Variants in SPAG16 observed in about 807,000 individuals in gnomAD.
SPAG16 encodes the protein sperm associated antigen 16, also known as sperm-associated antigen 16 protein.
A neutral mutation model predicts 80.4 loss-of-function variants in SPAG16; 86 were observed. The observed-to-expected ratio is 1.07, with a 90% CI of 0.90 to 1.28. The LOEUF (loss-of-function observed/expected upper bound fraction) is 1.28, where lower values mean the gene tolerates loss of function less well. Ranked by LOEUF, SPAG16 falls within the 50% of genes most tolerant of loss-of-function variation. The pLI, the probability that SPAG16 is intolerant of heterozygous loss-of-function variation, is 0.00. For synonymous variants in SPAG16, 294 were observed against 265.9 expected (o/e 1.11, Z -1.03); for missense variants, 870 against 765.3 (o/e 1.14, Z -1.61).
intron 10 of SPAG16, among the ~76,000 whole-genome samples, chr2:213,711,210 T>C (rs570813690): frequency 3.7e-4 from 56 of 152,150 alleles, no homozygotes; most frequent in Non-Finnish European, 5.7e-4. Flanking sequence ...TTTATGTACT[T>C]TCCTCTCAGT....
intron 10 of SPAG16, among the ~76,000 whole-genome samples, chr2:213,535,286 T>A (rs2076203832): frequency 6.6e-6 from 1 of 152,060 alleles, no homozygotes. Context: ...ATAACAATGA[T>A]GATAGAATTA....
At chr2:214,279,789 G>T (rs1692771486) in intron 15 of SPAG16, among the ~76,000 whole-genome samples, 1 of 152,128 alleles carries the variant, frequency 6.6e-6, no homozygotes, top group Non-Finnish European at 1.5e-5. Context: ...AAGTCTTAGT[G>T]AATTTTAAAA....
intron 10 of SPAG16, among the ~76,000 whole-genome samples, chr2:213,769,614 A>T (rs2069130724): frequency 6.6e-6 from 1 of 152,122 alleles, no homozygotes; most frequent in Admixed American, 6.6e-5. Flanking sequence ...AATTCTCTTG[A>T]TTCCTGCTGA....
At chr2:214,104,194 A>C (rs1311345009) in intron 13 of SPAG16, among the ~76,000 whole-genome samples, 2 of 152,142 alleles carry the variant, frequency 1.3e-5, no homozygotes, top group African/African-American at 4.8e-5. Context: ...ACCATGAAGA[A>C]ATATGAAAAT....
chr2:213,634,936 T>TAATATATATATATATATA (rs1340907579), intron 10 of SPAG16, among the ~76,000 whole-genome samples: 1 of 151,560 alleles, frequency 6.6e-6, no homozygotes, highest in Admixed American at 6.6e-5. Flanking sequence ...ATTATTTCAC[T>TAATATATATATATATATA]CATATATATA....
intron 15 of SPAG16, among the ~76,000 whole-genome samples, chr2:214,359,809 A>G (rs546374470): frequency 6.6e-6 from 1 of 151,918 alleles, no homozygotes; most frequent in Non-Finnish European, 1.5e-5. Context: ...TTTTTGAGAT[A>G]AATTATTAAA....
chr2:213,673,645 T>C (rs2063911238), intron 10 of SPAG16, among the ~76,000 whole-genome samples: 1 of 152,216 alleles, frequency 6.6e-6, no homozygotes, highest in Non-Finnish European at 1.5e-5. Flanking sequence ...ACACACATTT[T>C]ATATTTGTAC....
chr2:213,358,842 T>C (rs1181922887), intron 7 of SPAG16, among the ~76,000 whole-genome samples: 2 of 152,224 alleles, frequency 1.3e-5, no homozygotes, highest in African/African-American at 4.8e-5. Context: ...AGAGGCACTC[T>C]GGTTTTTAGA....
chr2:213,920,756 C>G (rs1292358445), intron 11 of SPAG16, among the ~76,000 whole-genome samples: 1 of 152,208 alleles, frequency 6.6e-6, no homozygotes, highest in African/African-American at 2.4e-5. Flanking sequence ...GAGAGTTTCC[C>G]TAGGGATAAT....
At chr2:213,805,543 G>A (rs758117051) in intron 10 of SPAG16, among the ~76,000 whole-genome samples, 1 of 152,184 alleles carries the variant, frequency 6.6e-6, no homozygotes, top group East Asian at 1.9e-4. Flanking sequence ...AGTTATCTGA[G>A]GAGGGGTGTT....
intron 1 of SPAG16, among the ~76,000 whole-genome samples, chr2:213,295,823 CAGAT>C (rs1487544421): frequency 6.6e-6 from 1 of 151,978 alleles, no homozygotes; most frequent in Non-Finnish European, 1.5e-5. Flanking sequence ...AGTCAAAAGA[CAGAT>C]AGCAATGTAG....
At chr2:213,366,480 T>C (rs1169920073) in intron 8 of SPAG16, among the ~76,000 whole-genome samples, 1 of 151,986 alleles carries the variant, frequency 6.6e-6, no homozygotes, top group African/African-American at 2.4e-5. Context: ...CTCACAATAA[T>C]GGTGGAAGGC....
intron 13 of SPAG16, among the ~76,000 whole-genome samples, chr2:214,098,308 T>C (rs2052746013): frequency 1.3e-5 from 2 of 152,080 alleles, no homozygotes; most frequent in African/African-American, 2.4e-5. Flanking sequence ...AGGGGTTGAA[T>C]TGTGTCCCCT....
rs549432349 is a variant in SPAG16 at position 213,625,967 on chromosome 2, G to A, written c.1070+135877G>A. On this transcript the variant is annotated intron_variant, in intron 10 of 15. Coordinates refer to ENST00000331683, the MANE Select transcript of SPAG16 (RefSeq NM_024532.5). The stretch of plus-strand genomic sequence containing the variant: ...GGTCTCCCAAAGTGCTGAGATTACA[G>A]GCATGAGCCACCACACCCGGCCTCT... Among the ~76,000 whole-genome samples the A allele has an allele frequency of 1.8e-3, 269 of 152,168 alleles. 1 individual carries two copies. The highest frequency in any genetic ancestry group is 6.1e-3 in the African/African-American group (255 of 41,506).
chr2:214,127,817 T>C (rs2054569541), intron 14 of SPAG16, among the ~76,000 whole-genome samples: 1 of 151,876 alleles, frequency 6.6e-6, no homozygotes, highest in African/African-American at 2.4e-5. Context: ...GAATGACTAA[T>C]CATGTTTTCA....
chr2:214,151,677 A>G (rs2055979772), intron 15 of SPAG16, among the ~76,000 whole-genome samples: 1 of 152,004 alleles, frequency 6.6e-6, no homozygotes, highest in Non-Finnish European at 1.5e-5. Context: ...ATGTCTAACC[A>G]TTTTTTCTAG....
chr2:213,434,002 C>A (rs960894717), intron 9 of SPAG16, among the ~76,000 whole-genome samples: 2 of 149,774 alleles, frequency 1.3e-5, no homozygotes, highest in Non-Finnish European at 3.0e-5. Context: ...CTCACTGCAA[C>A]CTCTGCTTCC....
At chr2:213,912,890 C>T (rs2077741113) in intron 11 of SPAG16, among the ~76,000 whole-genome samples, 1 of 152,036 alleles carries the variant, frequency 6.6e-6, no homozygotes, top group Non-Finnish European at 1.5e-5. Context: ...CATTTGTTCA[C>T]AATAGACTTC....
intron 12 of SPAG16, among the ~76,000 whole-genome samples, chr2:214,002,511 A>G (rs986355953): frequency 2.0e-5 from 3 of 152,226 alleles, no homozygotes; most frequent in Non-Finnish European, 4.4e-5. Context: ...CCAGTGAAAC[A>G]GAACCAATAG....
Sources: allele counts gnomAD v4.1 joint callset (sites outside exome capture counted in the v4.1 genomes callset), GRCh38; gene constraint gnomAD v4.1.1; transcripts MANE v1.5; gene names NCBI Gene and HGNC (gene_info 2026-07-23, HGNC 2026-07-21).